NAA11: variants seen among roughly 807,000 people sequenced by gnomAD.
NAA11 encodes N-alpha-acetyltransferase 11.
A neutral mutation model predicts 16.1 loss-of-function variants in NAA11; 15 were observed. The observed-to-expected ratio is 0.93, with a 90% CI of 0.62 to 1.44. The LOEUF (loss-of-function observed/expected upper bound fraction) is 1.44. Among genes scored for constraint, NAA11 ranks in the 40% most tolerant of loss-of-function variants. NAA11 has a pLI of 0.00. For missense variants in NAA11, 298 were observed against 291.3 expected (o/e 1.02, Z -0.17); for synonymous variants, 122 against 112.4 (o/e 1.09, Z -0.54).
intron 1 of NAA11, among the ~76,000 whole-genome samples, chr4:79,318,597 T>A (rs1334967341): frequency 1.3e-5 from 2 of 152,180 alleles, no homozygotes; most frequent in Non-Finnish European, 2.9e-5. Flanking sequence ...AAAATTCTGT[T>A]GCCAGAATAA....
At chr4:79,293,707 A>G (rs1343885370) in intron 2 of NAA11, among the ~76,000 whole-genome samples, 2 of 152,332 alleles carry the variant, frequency 1.3e-5, no homozygotes, top group East Asian at 3.9e-4. Context: ...TATGGTAATG[A>G]ACAAGTGAGA....
intron 2 of NAA11, among the ~76,000 whole-genome samples, chr4:79,282,207 G>C (rs1374778307): frequency 6.6e-6 from 1 of 152,028 alleles, no homozygotes; most frequent in Non-Finnish European, 1.5e-5. Flanking sequence ...GGATGTAGTG[G>C]GAAAAGAGTA....
chr4:79,240,786 A>G (rs922718773), intron 2 of NAA11, among the ~76,000 whole-genome samples: 7 of 152,178 alleles, frequency 4.6e-5, no homozygotes, highest in African/African-American at 1.7e-4. Context: ...CAATGGAGGT[A>G]AGGAGGACCA....
chr4:79,301,651 G>A (rs1723387008), intron 1 of NAA11, among the ~76,000 whole-genome samples: 1 of 152,166 alleles, frequency 6.6e-6, no homozygotes, highest in Non-Finnish European at 1.5e-5. Context: ...ACATGGTGGT[G>A]ATAAAAGCTG....
chr4:79,265,275 T>C (rs569150844), intron 2 of NAA11, among the ~76,000 whole-genome samples: 3 of 152,174 alleles, frequency 2.0e-5, no homozygotes, highest in Non-Finnish European at 4.4e-5. Flanking sequence ...CTAATGGACT[T>C]CTCTAATGAC....
At chr4:79,319,293 C>T (rs1724023242) in intron 1 of NAA11, among the ~76,000 whole-genome samples, 1 of 151,960 alleles carries the variant, frequency 6.6e-6, no homozygotes, top group South Asian at 2.1e-4. Flanking sequence ...TAAAGGTGGG[C>T]TATGGAAGCC....
chr4:79,180,408 T>C, the NAA11 span, among the ~76,000 whole-genome samples: 4 of 152,084 alleles, frequency 2.6e-5, no homozygotes, highest in Admixed American at 2.6e-4. Flanking sequence ...AACAACCCCA[T>C]CAAAAAGTGG....
At chr4:79,302,351 A>C (rs1428695680) in intron 1 of NAA11, among the ~76,000 whole-genome samples, 1 of 152,212 alleles carries the variant, frequency 6.6e-6, no homozygotes, top group Non-Finnish European at 1.5e-5. Flanking sequence ...TAAGTATTCA[A>C]GGAAAATGTC....
chr4:79,320,863 G>A (rs753156502), intron 1 of NAA11, among the ~76,000 whole-genome samples: 4 of 152,168 alleles, frequency 2.6e-5, no homozygotes, highest in Admixed American at 6.6e-5. Context: ...ATTGTAGAAG[G>A]ATAGTACTTT....
intron 2 of NAA11, among the ~76,000 whole-genome samples, chr4:79,250,329 C>T (rs905827603): frequency 1.4e-4 from 22 of 152,228 alleles, no homozygotes; most frequent in Non-Finnish European, 2.1e-4. Flanking sequence ...CAGCGGGCCC[C>T]GCTCCCATGG....
chr4:79,170,401 G>A, the NAA11 span, among the ~76,000 whole-genome samples: 1 of 152,142 alleles, frequency 6.6e-6, no homozygotes, highest in Non-Finnish European at 1.5e-5. Context: ...AAGCCATGTG[G>A]AGATTCCATT....
At chr4:79,188,608 C>T in the NAA11 span, among the ~76,000 whole-genome samples, 1 of 150,156 alleles carries the variant, frequency 6.7e-6, no homozygotes, top group African/African-American at 2.5e-5. Flanking sequence ...AAAAAAAAGA[C>T]AAACTTCTGT....
the NAA11 span, among the ~76,000 whole-genome samples, chr4:79,173,684 G>GC: frequency 6.6e-6 from 1 of 152,028 alleles, no homozygotes; most frequent in Non-Finnish European, 1.5e-5. Flanking sequence ...AGATATTCTC[G>GC]TGGGGGAGAA....
At chr4:79,228,346 TATG>T (rs1275910015) in intron 2 of NAA11, among the ~76,000 whole-genome samples, 1 of 152,072 alleles carries the variant, frequency 6.6e-6, no homozygotes, top group African/African-American at 2.4e-5. Context: ...ATTATTTTAT[TATG>T]ATATCATTTA....
intron 1 of NAA11, among the ~76,000 whole-genome samples, chr4:79,305,884 C>T (rs1423889655): frequency 2.6e-5 from 4 of 151,978 alleles, no homozygotes; most frequent in Admixed American, 2.6e-4. Flanking sequence ...TATTTACATC[C>T]CCTTTGAAAT....
chr4:79,172,302 A>C, the NAA11 span, among the ~76,000 whole-genome samples: 9 of 152,238 alleles, frequency 5.9e-5, no homozygotes, highest in South Asian at 1.9e-3. Flanking sequence ...TGATATTGGA[A>C]CCATTTCCTT....
At chr4:79,195,150 T>A in the NAA11 span, among the ~76,000 whole-genome samples, 1 of 152,102 alleles carries the variant, frequency 6.6e-6, no homozygotes, top group Non-Finnish European at 1.5e-5. Flanking sequence ...GATGAAATAA[T>A]GTTAATGGGC....
At chr4:79,196,955 CAAAAAAAAAAAAAAAAA>C in the NAA11 span, among the ~76,000 whole-genome samples, 1,165 of 86,280 alleles carry the variant, frequency 0.014, 34 homozygotes, top group African/African-American at 0.051. Flanking sequence ...ATGAAAAAGA[CAAAAAAAAAAAAAAAAA>C]AAAAAAAAAA....
chr4:79,322,758 CT>C (rs1578198386), intron 1 of NAA11, among the ~76,000 whole-genome samples: 1 of 152,098 alleles, frequency 6.6e-6, no homozygotes, highest in East Asian at 1.9e-4. Context: ...TTAATTTCAT[CT>C]TTGCTTTTAG....
Sources: gnomAD v4.1 joint callset for allele counts (sites outside exome capture counted in the v4.1 genomes callset) on GRCh38, gnomAD v4.1.1 for gene constraint, MANE v1.5 for transcripts, NCBI Gene and HGNC (gene_info 2026-07-23, HGNC 2026-07-21) for gene names.